Variants in PCDHGA5 observed in about 807,000 individuals in gnomAD.
The protein encoded by PCDHGA5 is protocadherin gamma-A5.
A neutral mutation model predicts 56.7 loss-of-function variants in PCDHGA5; 36 were observed. That is an observed-to-expected ratio of 0.64 (90% CI 0.49 to 0.84). PCDHGA5 has a LOEUF of 0.84. PCDHGA5 is among the 40% of genes least tolerant of loss of function. The pLI is 0.00. For missense variants in PCDHGA5, 1,305 were observed against 1,201.5 expected (o/e 1.09, Z -1.27); for synonymous variants, 563 against 520.2 (o/e 1.08, Z -1.12).
chr5:141,460,909 G>GGT (rs548378036), intron 1 of PCDHGA5, among the ~76,000 whole-genome samples: 1,853 of 123,260 alleles, frequency 0.015, 18 homozygotes, highest in Non-Finnish European at 0.019. Context: ...AATATTCCAT[G>GGT]GTGTATATAT....
chr5:141,478,589 T>C, intron 1 of PCDHGA5: 2 of 1,573,336 alleles, frequency 1.3e-6, no homozygotes, highest in Non-Finnish European at 1.7e-6. Context: ...AGTGCTTTTT[T>C]ATTCCTACAT....
chr5:141,392,869 T>G, intron 1 of PCDHGA5: 4 of 1,613,228 alleles, frequency 2.5e-6, no homozygotes, highest in Non-Finnish European at 3.4e-6. Flanking sequence ...CTGTGCGCGC[T>G]GCTGGGAACG....
chr5:141,468,093 G>C (rs1319825848), intron 1 of PCDHGA5, among the ~76,000 whole-genome samples: 2 of 152,112 alleles, frequency 1.3e-5, no homozygotes, highest in Non-Finnish European at 2.9e-5. Flanking sequence ...GGGAGGTTGA[G>C]GCAGGCAGAT....
At position 141,477,572 on chromosome 5, in the gene PCDHGA5, G is replaced by A. The variant is rs375416133; in HGVS notation, c.2422-17235G>A. The A allele has an allele frequency of 6.2e-7, 1 of 1,614,112 alleles. No homozygotes were observed. The highest frequency in any genetic ancestry group is 8.5e-7 in the Non-Finnish European group (1 of 1,180,030). On this transcript the variant is annotated intron_variant, in intron 1 of 3. Coordinates refer to ENST00000518069, the MANE Select transcript of PCDHGA5 (RefSeq NM_018918.3). This position sits in a 1 kb window ranked among gnomAD's most constrained non-coding sequence, Gnocchi z 4.9. ...AAACCTAAGTGTCTGGGACCCCGAC[G>A]CCCCGCAGAATGCTCGGCTTTCTTT...
intron 1 of PCDHGA5, chr5:141,408,971 C>A: frequency 6.2e-7 from 1 of 1,613,816 alleles, no homozygotes; most frequent in Non-Finnish European, 8.5e-7. Context: ...AAATCTGCCC[C>A]CTGGGTCCCC....
intron 1 of PCDHGA5, among the ~76,000 whole-genome samples, chr5:141,381,826 C>CTTTTTTTTTTTTTTTTTTTTT (rs770630741): frequency 2.7e-5 from 2 of 74,284 alleles, no homozygotes; most frequent in Admixed American, 1.9e-4. Flanking sequence ...CTTTCTTCTT[C>CTTTTTTTTTTTTTTTTTTTTT]TTTTTTTTTT....
intron 1 of PCDHGA5, chr5:141,419,150 C>T (rs1276109093): frequency 1.2e-6 from 2 of 1,613,850 alleles, no homozygotes; most frequent in Admixed American, 3.3e-5. Flanking sequence ...GGGCAAGCCT[C>T]CGTTATCCTC....
chr5:141,394,633 G>A (rs1026935408), intron 1 of PCDHGA5: 57 of 1,613,274 alleles, frequency 3.5e-5, no homozygotes, highest in Middle Eastern at 1.7e-4. Flanking sequence ...CTGTCCTACC[G>A]CCTGCTCAAG....
At chr5:141,414,633 A>C (rs1368963927) in intron 1 of PCDHGA5, 1 of 1,613,988 alleles carries the variant, frequency 6.2e-7, no homozygotes, top group South Asian at 1.1e-5. Context: ...CGGACAGCAA[A>C]GAGAATGCCC....
chr5:141,454,625 C>G (rs1193628253), intron 1 of PCDHGA5, among the ~76,000 whole-genome samples: 1 of 151,512 alleles, frequency 6.6e-6, no homozygotes, highest in Admixed American at 6.6e-5. Context: ...AGGCTGGTCT[C>G]GAACCCCCAA....
chr5:141,422,800 C>T, intron 1 of PCDHGA5: 1 of 1,614,214 alleles, frequency 6.2e-7, no homozygotes, highest in Non-Finnish European at 8.5e-7. Context: ...CGACTATGAG[C>T]AGTTTCGAGA....
chr5:141,414,180 A>G, intron 1 of PCDHGA5: 2 of 1,608,986 alleles, frequency 1.2e-6, no homozygotes, highest in Middle Eastern at 1.7e-4. Context: ...TTGCAACTGC[A>G]AAAGTGTTGA....
At chr5:141,393,459 G>C (rs988813968) in intron 1 of PCDHGA5, 1 of 1,613,928 alleles carries the variant, frequency 6.2e-7, no homozygotes, top group Non-Finnish European at 8.5e-7. Flanking sequence ...CACGGCCTCG[G>C]ATGGCGGCAA....
chr5:141,398,266 G>C, intron 1 of PCDHGA5: 1 of 1,439,368 alleles, frequency 6.9e-7, no homozygotes, highest in Non-Finnish European at 9.5e-7. Flanking sequence ...GGGCTCCGTA[G>C]TGGGGAACCT....
chr5:141,491,845 G>A lies in PCDHGA5; in HGVS notation c.2422-2962G>A. 6.8e-7 allele frequency: 1 copy of A among 1,463,944 alleles called. No homozygotes were observed. The highest frequency in any genetic ancestry group is 9.0e-7 in the Non-Finnish European group (1 of 1,106,126). 90.7% of individuals were successfully genotyped at this position (1,463,944 alleles called of 1,614,324 possible). ...CTCCACCCGATTCTCGGGATCATTGGACCGTTTGCGCGAAACCAGAGTGGC... is the reference window on the plus strand; with the variant it reads ...CTCCACCCGATTCTCGGGATCATTGAACCGTTTGCGCGAAACCAGAGTGGC... On this transcript the variant is annotated intron_variant, in intron 1 of 3. Coordinates refer to ENST00000518069, the MANE Select transcript of PCDHGA5 (RefSeq NM_018918.3). This position sits in a 1 kb window ranked among gnomAD's most constrained non-coding sequence, Gnocchi z 6.9.
intron 1 of PCDHGA5, chr5:141,384,537 G>A: frequency 1.2e-6 from 2 of 1,614,248 alleles, no homozygotes; most frequent in Non-Finnish European, 1.7e-6. Flanking sequence ...GCAGCAACAT[G>A]TCACTGAGCC....
At chr5:141,421,825 AG>A in intron 1 of PCDHGA5, 1 of 1,613,802 alleles carries the variant, frequency 6.2e-7, no homozygotes. Flanking sequence ...ACTGGAGGGA[AG>A]CCTGGACCGA....
chr5:141,400,314 CAA>C (rs1443669567), intron 1 of PCDHGA5: 1 of 1,613,960 alleles, frequency 6.2e-7, no homozygotes, highest in Non-Finnish European at 8.5e-7. Context: ...GTCTCTGTGT[CAA>C]GTCTGGACCT....
intron 1 of PCDHGA5, chr5:141,414,753 T>A: frequency 6.2e-7 from 1 of 1,614,202 alleles, no homozygotes; most frequent in Non-Finnish European, 8.5e-7. Flanking sequence ...CCTTCGACTA[T>A]GAGCAGTTTC....
Sources: allele counts gnomAD v4.1 joint callset (sites outside exome capture counted in the v4.1 genomes callset), GRCh38; gene constraint gnomAD v4.1.1; non-coding constraint Gnocchi (gnomAD v3.1); transcripts MANE v1.5; gene names NCBI Gene and HGNC (gene_info 2026-07-23, HGNC 2026-07-21).